DUX4: variants seen among roughly 807,000 people sequenced by gnomAD.
DUX4 encodes the protein double homeobox protein 4.
chr4:190,178,647 TAAAA>T (rs1742439253), downstream of DUX4, among the ~76,000 whole-genome samples: 1 of 150,956 alleles, frequency 6.6e-6, no homozygotes, highest in Non-Finnish European at 1.5e-5. Flanking sequence ...GCAGTGCTTA[TAAAA>T]GTGTTACATC....
At chr4:190,182,290 G>A (rs1393835967) in intron 1 of DUX4, 1 of 104,302 alleles carries the variant, frequency 9.6e-6, no homozygotes, top group Non-Finnish European at 2.4e-5. Flanking sequence ...TAGGGGTTAG[G>A]CTTAGGCTTA....
chr4:190,181,462 C>T (rs1579837464), intron 1 of DUX4, among the ~76,000 whole-genome samples: 223 of 35,026 alleles, frequency 6.4e-3, no homozygotes, highest in Middle Eastern at 0.015. Flanking sequence ...GTTACATCAC[C>T]TAGATGATCA....
chr4:190,177,157 A>AGAGCTATGTCAAAACGCC (rs1742345485), downstream of DUX4, among the ~76,000 whole-genome samples: 1 of 150,836 alleles, frequency 6.6e-6, no homozygotes, highest in Non-Finnish European at 1.5e-5. Flanking sequence ...GAGTTACATC[A>AGAGCTATGTCAAAACGCC]CCTAGATGAT....
intron 1 of DUX4, among the ~76,000 whole-genome samples, chr4:190,181,547 G>GTGTTATGT (rs1742580858): frequency 8.4e-6 from 1 of 119,052 alleles, no homozygotes; most frequent in African/African-American, 3.3e-5. Context: ...GATCAATGCA[G>GTGTTATGT]CGATATGTCA....
downstream of DUX4, among the ~76,000 whole-genome samples, chr4:190,179,441 AAG>A (rs1579835516): frequency 6.6e-6 from 1 of 151,862 alleles, no homozygotes; most frequent in East Asian, 1.9e-4. Context: ...ATATGTCACA[AAG>A]CACCCTGTAA....
downstream of DUX4, among the ~76,000 whole-genome samples, chr4:190,179,794 C>CCGAGCCT (rs1742512944): frequency 5.1e-4 from 3 of 5,876 alleles, no homozygotes; most frequent in South Asian, 7.9e-3. Flanking sequence ...CCCCTGTAGG[C>CCGAGCCT]AAGCCTACAC....
At chr4:190,177,484 G>GCTTAC (rs1742370187), downstream of DUX4, among the ~76,000 whole-genome samples, 3 of 114,792 alleles carry the variant, frequency 2.6e-5, no homozygotes, top group South Asian at 2.6e-4. Context: ...ACAAATCCCA[G>GCTTAC]AAAATTGTTA....
downstream of DUX4, among the ~76,000 whole-genome samples, chr4:190,180,001 A>ATCCAAG (rs1742523555): frequency 6.6e-6 from 1 of 151,972 alleles, no homozygotes; most frequent in Non-Finnish European, 1.5e-5. Context: ...CTTTAGGCAG[A>ATCCAAG]GCTTAAACTA....
chr4:190,178,787 A>ACGGT (rs1742451488), downstream of DUX4, among the ~76,000 whole-genome samples: 3 of 149,412 alleles, frequency 2.0e-5, no homozygotes, highest in Admixed American at 6.7e-5. Context: ...AGCCTAGACA[A>ACGGT]TAGTTACATC....
chr4:190,175,237 C>A lies in DUX4; in HGVS notation c.*189C>A. On this transcript the variant is annotated 3_prime_UTR_variant, in exon 1 of 2. Coordinates refer to ENST00000565211, the MANE Select transcript of DUX4 (RefSeq NM_001306068.3). ...CTCCACTCCGCGGAGAACTGCCTTT[C>A]TTTCCTGGGCATCCCGGGGATCCCA... 1.3e-5 allele frequency: 2 copies of A among 156,038 alleles called. No individual in the cohort carries two copies. Among genetic ancestry groups the A allele is most frequent in the Non-Finnish European group, 2.5e-5 (2 of 79,572 alleles). 9.7% of individuals were successfully genotyped at this position (156,038 alleles called of 1,614,324 possible). A position where few individuals can be genotyped will look rare whatever the true frequency, so the allele number is the denominator to read the frequency against.
At chr4:190,181,467 T>C (rs1579837474) in intron 1 of DUX4, among the ~76,000 whole-genome samples, 1,116 of 112,108 alleles carry the variant, frequency 1.0e-2, no homozygotes, top group Middle Eastern at 0.019. Flanking sequence ...ATCACCTAGA[T>C]GATCAGTGCA....
intron 1 of DUX4, among the ~76,000 whole-genome samples, chr4:190,183,733 T>A (rs1742633065): frequency 8.7e-6 from 1 of 115,396 alleles, no homozygotes; most frequent in African/African-American, 2.6e-5. Context: ...AATATGCTAA[T>A]TTTAAACTCC....
downstream of DUX4, among the ~76,000 whole-genome samples, chr4:190,177,876 C>T (rs1742392566): frequency 3.7e-4 from 26 of 69,866 alleles, no homozygotes; most frequent in African/African-American, 1.2e-3. Flanking sequence ...CACAATGTCC[C>T]TGTAGCCATA....
downstream of DUX4, among the ~76,000 whole-genome samples, chr4:190,176,654 A>C (rs1579831830): frequency 2.5e-5 from 3 of 121,306 alleles, no homozygotes; most frequent in East Asian, 2.8e-4. Context: ...CCCTGTAGGC[A>C]GAGCCTAGAC....
At chr4:190,180,075 GACAAGAGTCAGT>G (rs1742529697), downstream of DUX4, among the ~76,000 whole-genome samples, 1 of 1,636 alleles carries the variant, frequency 6.1e-4, no homozygotes, top group Admixed American at 4.8e-3. Flanking sequence ...GCGAATCCAA[GACAAGAGTCAGT>G]CACCTGGGTG....
intron 1 of DUX4, among the ~76,000 whole-genome samples, chr4:190,181,127 TGA>T (rs2126582158): frequency 0.062 from 8,006 of 129,766 alleles, 1 homozygote; most frequent in Middle Eastern, 0.08. Flanking sequence ...ATCACCTGAG[TGA>T]TCAGTGCAGA....
At position 190,175,661 on chromosome 4, in the gene DUX4, C is replaced by T. The variant is rs1212586989; in HGVS notation, c.*251C>T. ...TTCCTGGCTAGACCTGCGCGCAGTG[C>T]GCACCCCGGCTGACGTGCAAGGGAG... On this transcript the variant is annotated 3_prime_UTR_variant, in exon 2 of 2. Transcript: ENST00000565211. The T allele has an allele frequency of 7.5e-5, 12 of 159,180 alleles. 2 individuals are homozygous for T. The highest frequency in any genetic ancestry group is 1.1e-4 in the African/African-American group (4 of 36,508). The allele number at this position is 159,180 out of a possible 1,614,324, so 9.9% of individuals were successfully genotyped here.
At chr4:190,180,007 A>AGAGC (rs1742524464), downstream of DUX4, among the ~76,000 whole-genome samples, 1 of 72,082 alleles carries the variant, frequency 1.4e-5, no homozygotes. Flanking sequence ...GCAGAGCTTA[A>AGAGC]ACTAGAGTTA....
At chr4:190,181,740 T>A (rs1579838043) in intron 1 of DUX4, among the ~76,000 whole-genome samples, 479 of 127,352 alleles carry the variant, frequency 3.8e-3, no homozygotes, top group South Asian at 5.0e-3. Flanking sequence ...ATCACCTGGG[T>A]GATCAGTGCA....
Sources: allele counts gnomAD v4.1 joint callset (sites outside exome capture counted in the v4.1 genomes callset), GRCh38; gene constraint gnomAD v4.1.1; transcripts MANE v1.5; gene names NCBI Gene and HGNC (gene_info 2026-07-23, HGNC 2026-07-21).